Variants in OXR1 observed in about 807,000 individuals in gnomAD.
OXR1 encodes the protein oxidation resistance 1, also known as oxidation resistance protein 1.
OXR1 carries 41 observed loss-of-function variants against 104.6 expected under a neutral mutation model. The ratio of observed to expected loss-of-function variants is 0.39; its 90% CI spans 0.31 to 0.51. The LOEUF (loss-of-function observed/expected upper bound fraction) is 0.51, where lower values mean the gene tolerates loss of function less well. Ranked by LOEUF, OXR1 falls within the 20% of genes least tolerant of loss-of-function variation. OXR1 has a pLI of 0.77. For synonymous variants in OXR1, 348 were observed against 348.4 expected (o/e 1.00, Z 0.01); for missense variants, 955 against 1,031.9 (o/e 0.93, Z 1.02).
At position 106,435,915 on chromosome 8, in the gene OXR1, C is replaced by G. The variant is rs562655692; in HGVS notation, c.23+76279C>G. On this transcript the variant is annotated intron_variant, in intron 2 of 16. Coordinates refer to ENST00000517566, the MANE Select transcript of OXR1 (RefSeq NM_001198533.2). Reference sequence around the variant, plus strand: ...CAAATATGACCAAAAGTGATCTAACCAATCAAAAGTGGGTCAGATGGATGA... The same window carrying G: ...CAAATATGACCAAAAGTGATCTAACGAATCAAAAGTGGGTCAGATGGATGA... Among the ~76,000 whole-genome samples the G allele has an allele frequency of 2.0e-5, 3 of 152,170 alleles. No homozygotes were observed. In the South Asian group the frequency reaches 6.2e-4, roughly 32 times the overall value.
chr8:106,521,659 C>A (rs549817811), intron 3 of OXR1, among the ~76,000 whole-genome samples: 2 of 152,218 alleles, frequency 1.3e-5, no homozygotes, highest in South Asian at 4.1e-4. Flanking sequence ...ACTACAGGCA[C>A]ATGCCACTAT....
intron 2 of OXR1, among the ~76,000 whole-genome samples, chr8:106,421,173 T>C (rs1488522606): frequency 6.6e-6 from 1 of 152,150 alleles, no homozygotes; most frequent in Middle Eastern, 3.2e-3. Flanking sequence ...TTAGAATACT[T>C]GGATTTGTGT....
At chr8:106,524,251 C>T (rs1303327386) in intron 3 of OXR1, among the ~76,000 whole-genome samples, 1 of 152,200 alleles carries the variant, frequency 6.6e-6, no homozygotes, top group Non-Finnish European at 1.5e-5. Flanking sequence ...CACTACCCTT[C>T]ATTCAAAGAA....
chr8:106,465,823 T>A (rs1266269159), intron 2 of OXR1, among the ~76,000 whole-genome samples: 2 of 152,006 alleles, frequency 1.3e-5, no homozygotes, highest in Non-Finnish European at 2.9e-5. Flanking sequence ...TTGAACATAA[T>A]GGCAGGATAC....
At chr8:106,639,830 A>AGTTTATT (rs1823478575) in intron 3 of OXR1, among the ~76,000 whole-genome samples, 2 of 152,154 alleles carry the variant, frequency 1.3e-5, no homozygotes, top group Non-Finnish European at 2.9e-5. Context: ...AAACTAGGAG[A>AGTTTATT]CAGTAGAGTG....
chr8:106,489,553 GT>G (rs1810937340), intron 2 of OXR1, among the ~76,000 whole-genome samples: 1 of 152,008 alleles, frequency 6.6e-6, no homozygotes, highest in Admixed American at 6.6e-5. Context: ...ATATTTATTG[GT>G]TGCTTGATTT....
chr8:106,285,501 G>A (rs1025561046), intron 1 of OXR1, among the ~76,000 whole-genome samples: 9 of 152,004 alleles, frequency 5.9e-5, no homozygotes, highest in Non-Finnish European at 1.3e-4. Context: ...GTTTAATGCT[G>A]CCACCCTAGG....
chr8:106,486,957 T>G (rs1810699106), intron 2 of OXR1, among the ~76,000 whole-genome samples: 1 of 152,056 alleles, frequency 6.6e-6, no homozygotes, highest in Non-Finnish European at 1.5e-5. Flanking sequence ...AAACAACAGC[T>G]TTGGGTAATA....
intron 3 of OXR1, among the ~76,000 whole-genome samples, chr8:106,566,781 T>C (rs1250424749): frequency 6.6e-6 from 1 of 152,206 alleles, no homozygotes; most frequent in Admixed American, 6.5e-5. Context: ...CATAAAATAC[T>C]ACGCATCCAT....
intron 3 of OXR1, among the ~76,000 whole-genome samples, chr8:106,519,456 T>C (rs1469916181): frequency 1.3e-5 from 2 of 152,226 alleles, no homozygotes; most frequent in Non-Finnish European, 2.9e-5. Context: ...TAACTTTGTG[T>C]GCTATTTTCA....
chr8:106,749,648 T>C (rs1296089793), intron 16 of OXR1, among the ~76,000 whole-genome samples: 2 of 152,194 alleles, frequency 1.3e-5, no homozygotes, highest in Non-Finnish European at 2.9e-5. Flanking sequence ...TAACTGCCCA[T>C]ATTTTTTAAA....
intron 3 of OXR1, among the ~76,000 whole-genome samples, chr8:106,630,603 A>G: frequency 6.6e-6 from 1 of 152,222 alleles, no homozygotes; most frequent in East Asian, 1.9e-4. Context: ...AGCTATGATA[A>G]AATTATCTGG....
intron 1 of OXR1, among the ~76,000 whole-genome samples, chr8:106,335,211 T>C (rs536325095): frequency 6.6e-6 from 1 of 152,260 alleles, no homozygotes; most frequent in African/African-American, 2.4e-5. Flanking sequence ...TCACATTACC[T>C]TCTTTAGGAA....
chr8:106,385,393 C>T (rs1021837877), intron 2 of OXR1, among the ~76,000 whole-genome samples: 17 of 152,208 alleles, frequency 1.1e-4, no homozygotes, highest in African/African-American at 3.4e-4. Flanking sequence ...TATAAACTGC[C>T]TTCTTGTAAA....
chr8:106,686,880 A>C (rs1828786894), intron 6 of OXR1, among the ~76,000 whole-genome samples: 1 of 152,132 alleles, frequency 6.6e-6, no homozygotes, highest in Admixed American at 6.6e-5. Context: ...TCACATATGG[A>C]GGAAGAAATA....
intron 3 of OXR1, among the ~76,000 whole-genome samples, chr8:106,668,494 A>T (rs1826587170): frequency 6.6e-6 from 1 of 152,206 alleles, no homozygotes; most frequent in Admixed American, 6.6e-5. Context: ...TTCTTCTGGA[A>T]TACATGTTGA....
At chr8:106,303,905 CTCT>C (rs1185226213) in intron 1 of OXR1, among the ~76,000 whole-genome samples, 1 of 152,164 alleles carries the variant, frequency 6.6e-6, no homozygotes, top group Non-Finnish European at 1.5e-5. Flanking sequence ...ATTCACTTCT[CTCT>C]TTTTTAGCTA....
At chr8:106,463,194 A>G (rs1184357538) in intron 2 of OXR1, among the ~76,000 whole-genome samples, 1 of 152,096 alleles carries the variant, frequency 6.6e-6, no homozygotes, top group Non-Finnish European at 1.5e-5. Flanking sequence ...GTCAGCCTTA[A>G]TAAAGCTCGA....
intron 3 of OXR1, among the ~76,000 whole-genome samples, chr8:106,618,623 A>G (rs555680477): frequency 6.6e-6 from 1 of 152,278 alleles, no homozygotes; most frequent in African/African-American, 2.4e-5. Flanking sequence ...TAAGATTTCC[A>G]TGTTGCCTTA....
Sources: gnomAD v4.1 joint callset for allele counts (sites outside exome capture counted in the v4.1 genomes callset) on GRCh38, gnomAD v4.1.1 for gene constraint, MANE v1.5 for transcripts, NCBI Gene and HGNC (gene_info 2026-07-23, HGNC 2026-07-21) for gene names.